MPPED2: variants seen among roughly 807,000 people sequenced by gnomAD.
The protein encoded by MPPED2 is metallophosphoesterase domain containing 2, also known as metallophosphoesterase MPPED2.
In MPPED2, 5 loss-of-function variants were observed where a neutral mutation model predicts 33.0. The observed-to-expected ratio is 0.15, with a 90% CI of 0.08 to 0.32. The LOEUF is 0.32. Ranked by LOEUF, MPPED2 falls within the 10% of genes least tolerant of loss-of-function variation. MPPED2 has a pLI of 1.00. For missense variants in MPPED2, 275 were observed against 372.1 expected, an observed-to-expected ratio of 0.74 and a Z score of 2.15; for synonymous variants, 136 against 141.9, an observed-to-expected ratio of 0.96 and a Z score of 0.29.
chr11:30,451,978 A>C (rs1950082666), intron 4 of MPPED2: 5 of 985,428 alleles, frequency 5.1e-6, no homozygotes, highest in Non-Finnish European at 6.0e-6. Flanking sequence ...GAAATGTGGG[A>C]AGTAGGAGGG....
intron 4 of MPPED2, among the ~76,000 whole-genome samples, chr11:30,439,949 T>G (rs1339434964): frequency 6.6e-6 from 1 of 152,236 alleles, no homozygotes. Context: ...TTAGCAGTAA[T>G]ATAGGTAAAG....
At chr11:30,508,909 C>T (rs914571354) in intron 3 of MPPED2, among the ~76,000 whole-genome samples, 11 of 152,108 alleles carry the variant, frequency 7.2e-5, no homozygotes, top group Admixed American at 3.9e-4. Flanking sequence ...CAGGAGGGTT[C>T]GAACTATATT....
intron 5 of MPPED2, 90 bp downstream of exon 5, chr11:30,417,426 TGG>T: frequency 3.8e-6 from 2 of 524,994 alleles, no homozygotes; most frequent in Middle Eastern, 3.8e-4. Context: ...TTTTTTTTTT[TGG>T]AGGAAAATGA....
intron 2 of MPPED2, among the ~76,000 whole-genome samples, chr11:30,555,951 G>T (rs752982829): frequency 1.9e-4 from 29 of 152,062 alleles, no homozygotes; most frequent in Middle Eastern, 3.4e-3. Context: ...TCTTCCACAG[G>T]CCAAAGATTC....
downstream of MPPED2, among the ~76,000 whole-genome samples, chr11:30,409,462 A>G (rs143688972): frequency 5.3e-5 from 8 of 152,350 alleles, no homozygotes; most frequent in East Asian, 1.4e-3. Context: ...CTATGGTGAC[A>G]TCCAAGATAC....
intron 2 of MPPED2, among the ~76,000 whole-genome samples, chr11:30,558,028 C>T (rs1266019567): frequency 1.3e-5 from 2 of 152,142 alleles, no homozygotes; most frequent in East Asian, 3.8e-4. Flanking sequence ...TTTATGTGCC[C>T]ATGACCTGGC....
In MPPED2 at chr11:30,418,537, C is replaced by G. The variant is rs113449493; in HGVS notation, c.537-904G>C. ...AGAACTAAGTAGTTCCCAGTGTTATCCTATTCCCAAACATCTAGATCTTAT... is the reference window on the plus strand; with the variant it reads ...AGAACTAAGTAGTTCCCAGTGTTATGCTATTCCCAAACATCTAGATCTTAT... On this transcript the variant is annotated intron_variant, in intron 4 of 6. Transcript: ENST00000358117. 2.2e-3 allele frequency among the ~76,000 whole-genome samples: 330 copies of G among 152,282 alleles called. 2 individuals are homozygous for G. The highest frequency in any genetic ancestry group is 7.4e-3 in the African/African-American group (308 of 41,564).
At chr11:30,514,485 T>C (rs1418371701) in intron 3 of MPPED2, among the ~76,000 whole-genome samples, 1 of 152,184 alleles carries the variant, frequency 6.6e-6, no homozygotes, top group East Asian at 1.9e-4. Flanking sequence ...AATTACCAGA[T>C]GCTGAAAACT....
intron 6 of MPPED2, among the ~76,000 whole-genome samples, chr11:30,401,240 C>A (rs1947904393): frequency 1.3e-5 from 2 of 152,148 alleles, no homozygotes; most frequent in Non-Finnish European, 2.9e-5. Context: ...ATTTTCATTC[C>A]CATCACTTGG....
At chr11:30,485,941 T>C (rs1951725449) in intron 4 of MPPED2, among the ~76,000 whole-genome samples, 2 of 152,176 alleles carry the variant, frequency 1.3e-5, no homozygotes, top group Non-Finnish European at 1.5e-5. Context: ...TAAGGCTTTA[T>C]TGTGAAACAA....
chr11:30,559,659 G>A (rs184713455), intron 2 of MPPED2, among the ~76,000 whole-genome samples: 4 of 152,062 alleles, frequency 2.6e-5, no homozygotes, highest in Admixed American at 2.6e-4. Context: ...TATAAGCTAT[G>A]TTTGAAAGTT....
chr11:30,569,646 T>C (rs1956606986), intron 2 of MPPED2, among the ~76,000 whole-genome samples: 1 of 152,190 alleles, frequency 6.6e-6, no homozygotes, highest in Admixed American at 6.5e-5. Flanking sequence ...CTCTCGAAAG[T>C]CAGTTCAGAG....
chr11:30,439,678 TC>T (rs1275921126), intron 4 of MPPED2, among the ~76,000 whole-genome samples: 1 of 152,218 alleles, frequency 6.6e-6, no homozygotes, highest in Non-Finnish European at 1.5e-5. Context: ...AATACATGCT[TC>T]TTCTCATGAA....
At chr11:30,513,831 G>A (rs574622778) in intron 3 of MPPED2, among the ~76,000 whole-genome samples, 2 of 152,188 alleles carry the variant, frequency 1.3e-5, no homozygotes, top group South Asian at 4.2e-4. Context: ...AAAGATTTCA[G>A]GATGAAAATA....
At chr11:30,480,479 C>A (rs908023358) in intron 4 of MPPED2, among the ~76,000 whole-genome samples, 1 of 152,028 alleles carries the variant, frequency 6.6e-6, no homozygotes, top group Admixed American at 6.6e-5. Flanking sequence ...TCAGAAATTG[C>A]TCTGCTAAGT....
At chr11:30,462,958 C>T (rs1354171941) in intron 4 of MPPED2, among the ~76,000 whole-genome samples, 1 of 152,106 alleles carries the variant, frequency 6.6e-6, no homozygotes, top group African/African-American at 2.4e-5. Context: ...ACAGCATTAA[C>T]TATTGGAGGG....
At chr11:30,395,127 T>A (rs1202508589) in intron 6 of MPPED2, among the ~76,000 whole-genome samples, 1 of 152,178 alleles carries the variant, frequency 6.6e-6, no homozygotes, top group Admixed American at 6.6e-5. Context: ...TCAAGTAGCA[T>A]GAAGCCTCCA....
At chr11:30,424,297 C>G (rs1948738196) in intron 4 of MPPED2, among the ~76,000 whole-genome samples, 1 of 152,146 alleles carries the variant, frequency 6.6e-6, no homozygotes, top group Admixed American at 6.5e-5. Context: ...CTGCCTGGCA[C>G]CTCTATTAAG....
intron 4 of MPPED2, among the ~76,000 whole-genome samples, chr11:30,461,138 C>A (rs1373857156): frequency 6.6e-6 from 1 of 152,118 alleles, no homozygotes; most frequent in Non-Finnish European, 1.5e-5. Context: ...GAATGATTTC[C>A]ATTTATATGA....
Sources: allele counts gnomAD v4.1 joint callset (sites outside exome capture counted in the v4.1 genomes callset), GRCh38; gene constraint gnomAD v4.1.1; transcripts MANE v1.5; gene names NCBI Gene and HGNC (gene_info 2026-07-23, HGNC 2026-07-21).